AOX1: variants seen among roughly 807,000 people sequenced by gnomAD.
The protein encoded by AOX1 is aldehyde oxidase 1.
A neutral mutation model predicts 169.5 loss-of-function variants in AOX1; 153 were observed. That is an observed-to-expected ratio of 0.90 (90% confidence interval 0.79 to 1.03). The LOEUF is 1.03. AOX1 is among the 50% of genes least tolerant of loss of function. The pLI is 0.00. For missense variants in AOX1, 1,656 were observed against 1,663.9 expected (o/e 1.00, Z 0.08); for synonymous variants, 562 against 581.9 (o/e 0.97, Z 0.49).
At chr2:200,632,191 G>GGAA (rs1341414908) in intron 20 of AOX1, among the ~76,000 whole-genome samples, 1 of 151,628 alleles carries the variant, frequency 6.6e-6, no homozygotes, top group African/African-American at 2.4e-5. Context: ...CTTCCTGTGG[G>GGAA]TTGCCTGAAT....
chr2:200,624,021 C>T (rs374047581), intron 19 of AOX1, 38 bp downstream of exon 19: 1 of 1,609,600 alleles, frequency 6.2e-7, no homozygotes, highest in Admixed American at 1.7e-5. Flanking sequence ...CAGTTGGGAG[C>T]CAGAACAAAT....
At chr2:200,629,138 G>A (rs1258247782) in intron 20 of AOX1, among the ~76,000 whole-genome samples, 1 of 152,150 alleles carries the variant, frequency 6.6e-6, no homozygotes, top group Admixed American at 6.5e-5. Context: ...CTTGAAGCGT[G>A]TCAGGGGCTG....
At chr2:200,666,328 A>G (rs1202250972) in intron 31 of AOX1, among the ~76,000 whole-genome samples, 2 of 152,212 alleles carry the variant, frequency 1.3e-5, no homozygotes, top group African/African-American at 2.4e-5. Context: ...CTTTGCAACT[A>G]GGATCGTGAG....
intron 20 of AOX1, among the ~76,000 whole-genome samples, chr2:200,627,818 T>C (rs917155387): frequency 2.0e-5 from 3 of 152,154 alleles, no homozygotes; most frequent in African/African-American, 4.8e-5. Context: ...GTGACCAAGG[T>C]CACACAACAA....
intron 32 of AOX1, among the ~76,000 whole-genome samples, chr2:200,667,969 A>T (rs548940289): frequency 5.3e-5 from 8 of 152,120 alleles, no homozygotes; most frequent in Non-Finnish European, 1.2e-4. Flanking sequence ...TGGGCAAAAA[A>T]CAAAAGAAGA....
chr2:200,635,065 TCACAC>T, intron 21 of AOX1, 150 bp downstream of exon 21: 3 of 864,440 alleles, frequency 3.5e-6, no homozygotes, highest in Non-Finnish European at 5.4e-6. Flanking sequence ...TGATCTATGA[TCACAC>T]CACTGCACTC....
intron 25 of AOX1, among the ~76,000 whole-genome samples, chr2:200,649,459 C>G (rs957009698): frequency 3.3e-5 from 5 of 152,148 alleles, no homozygotes; most frequent in Non-Finnish European, 5.9e-5. Flanking sequence ...TGGGGTATCT[C>G]CTGGGTCCTG....
chr2:200,595,203 C>T, intron 2 of AOX1, 69 bp from the exon 3 acceptor site: 3 of 1,159,436 alleles, frequency 2.6e-6, no homozygotes, highest in Non-Finnish European at 3.8e-6. Context: ...ATTACTGTCT[C>T]CTAGTGGCAG....
chr2:200,641,947 AG>A (rs2035360763), intron 24 of AOX1, among the ~76,000 whole-genome samples: 1 of 152,050 alleles, frequency 6.6e-6, no homozygotes, highest in Non-Finnish European at 1.5e-5. Context: ...GTTCAAGACC[AG>A]CCTGACCACA....
intron 18 of AOX1, among the ~76,000 whole-genome samples, chr2:200,623,563 T>C (rs1324997531): frequency 6.6e-6 from 1 of 152,234 alleles, no homozygotes; most frequent in African/African-American, 2.4e-5. Flanking sequence ...CATCAAGCCA[T>C]GGGACAGGCT....
At chr2:200,656,719 T>A (rs1004091429) in intron 26 of AOX1, 123 bp from the exon 27 acceptor site, 1 of 564,248 alleles carries the variant, frequency 1.8e-6, no homozygotes, top group South Asian at 5.1e-5. Context: ...CCTAAAATGT[T>A]GCTCCACCCT....
intron 34 of AOX1, 27 bp from the exon 35 acceptor site, chr2:200,670,602 G>T: frequency 6.2e-7 from 1 of 1,601,564 alleles, no homozygotes; most frequent in South Asian, 1.1e-5. Context: ...TCCCAGGTTT[G>T]AACATCCAGA....
At position 200,670,764 on chromosome 2, in the gene AOX1, T is replaced by C. The variant is rs2036013728; in HGVS notation, c.*85T>C. 3 of 1,100,248 alleles carry C rather than the reference T, an allele frequency of 2.7e-6. No individual in the cohort carries two copies. 68.2% of individuals were successfully genotyped at this position (1,100,248 alleles called of 1,614,324 possible). A position where few individuals can be genotyped will look rare whatever the true frequency, so the allele number is the denominator to read the frequency against. On this transcript the variant is annotated 3_prime_UTR_variant, in exon 35 of 35. Transcript: ENST00000374700. ...TCTCTGTGCTGGAAGATGCTAGATC[T>C]GAAAGACAGAGTTTCCACAGTTCAG...
chr2:200,620,246 C>T (rs1166389528), intron 16 of AOX1, among the ~76,000 whole-genome samples: 3 of 149,196 alleles, frequency 2.0e-5, no homozygotes, highest in African/African-American at 5.0e-5. Flanking sequence ...TCTCCCAGGC[C>T]GGGGTGCAGT....
At chr2:200,655,630 C>T (rs1029261659) in intron 26 of AOX1, among the ~76,000 whole-genome samples, 2 of 152,164 alleles carry the variant, frequency 1.3e-5, no homozygotes, top group African/African-American at 4.8e-5. Context: ...CCCTAGTTTA[C>T]ACCTGCCGAC....
chr2:200,678,290 C>T (rs2036125325), downstream of AOX1: 1 of 152,132 alleles, frequency 6.6e-6, no homozygotes, highest in African/African-American at 2.4e-5. Flanking sequence ...GAATTAAAAC[C>T]CTTAGTTCAA....
rs1265859389 is a variant in AOX1, at chr2:200,662,888, C to T, written c.3462C>T (p.Gly1154=). 6.2e-6 allele frequency: 10 copies of T among 1,613,864 alleles called. No individual in the cohort carries two copies. Among genetic ancestry groups the T allele is most frequent in the East Asian group, 2.2e-5 (1 of 44,888 alleles). Residue 1154 remains glycine (G), a synonymous_variant, in exon 31 of 35, where the codon GGC becomes GGT. Transcript: ENST00000374700. Reference sequence around the variant, plus strand: ...AGTCAGACATGAACTGGGAGAAAGGCGAAGGCCAGCCCTTCGAATACTTTG... The same window carrying T: ...AGTCAGACATGAACTGGGAGAAAGGTGAAGGCCAGCCCTTCGAATACTTTG... The part of the protein sequence containing the change: ...GYESDMNWEK[G]EGQPFEYFVY...
At position 200,668,114 on chromosome 2, in the gene AOX1, T is replaced by A. The variant is rs1255455511; in HGVS notation, c.3610-501T>A. Among the ~76,000 whole-genome samples, 49 of 151,690 alleles carry A rather than the reference T, an allele frequency of 3.2e-4. 1 individual carries two copies. The highest frequency in any genetic ancestry group is 5.8e-4 in the African/African-American group (24 of 41,430). Reference sequence around the variant, plus strand: ...TTTTTATTTATTATTATTATTATTTTTTTTTTTTGAGACTAAGTTTTGCTC... The same window carrying A: ...TTTTTATTTATTATTATTATTATTTATTTTTTTTGAGACTAAGTTTTGCTC... On this transcript the variant is annotated intron_variant, in intron 32 of 34. Coordinates refer to ENST00000374700, the MANE Select transcript of AOX1 (RefSeq NM_001159.4).
chr2:200,646,741 T>C (rs1013412307), intron 25 of AOX1, among the ~76,000 whole-genome samples: 1 of 152,110 alleles, frequency 6.6e-6, no homozygotes, highest in African/African-American at 2.4e-5. Flanking sequence ...GGAGCTCCAG[T>C]GTTAGGTGTG....
Sources: gnomAD v4.1 joint callset for allele counts (sites outside exome capture counted in the v4.1 genomes callset) on GRCh38, gnomAD v4.1.1 for gene constraint, MANE v1.5 for transcripts, NCBI Gene and HGNC (gene_info 2026-07-23, HGNC 2026-07-21) for gene names.